Variants in DYNC1I1 observed in about 807,000 individuals in gnomAD.
The protein encoded by DYNC1I1 is dynein cytoplasmic 1 intermediate chain 1, also known as cytoplasmic dynein 1 intermediate chain 1.
Under a neutral mutation model 86.6 loss-of-function variants are expected in DYNC1I1, and 43 were observed. The ratio of observed to expected loss-of-function variants is 0.50; its 90% CI spans 0.39 to 0.64. DYNC1I1 has a LOEUF of 0.64. Ranked by LOEUF, DYNC1I1 falls within the 30% of genes least tolerant of loss-of-function variation. The probability of loss-of-function intolerance (pLI) is 0.00; values close to 1 mark genes in which losing one functional copy is unlikely to be tolerated. For missense variants in DYNC1I1, 604 were observed against 788.8 expected (o/e 0.77, Z 2.81); for synonymous variants, 262 against 283.7 (o/e 0.92, Z 0.77).
intron 7 of DYNC1I1, among the ~76,000 whole-genome samples, chr7:95,980,046 A>AC (rs1793413862): frequency 6.6e-6 from 1 of 152,062 alleles, no homozygotes; most frequent in Non-Finnish European, 1.5e-5. Context: ...CATCACCACC[A>AC]CCCCAGCCCC....
chr7:96,108,815 C>T (rs755189436), intron 16 of DYNC1I1, among the ~76,000 whole-genome samples: 7 of 149,434 alleles, frequency 4.7e-5, no homozygotes, highest in South Asian at 2.1e-4. Context: ...GAGCCAAGAT[C>T]GCACCACTGC....
At chr7:95,964,941 C>A (rs1027322124) in intron 6 of DYNC1I1, among the ~76,000 whole-genome samples, 2 of 152,202 alleles carry the variant, frequency 1.3e-5, no homozygotes, top group Non-Finnish European at 2.9e-5. Context: ...AATAAATGTC[C>A]AAGAAGTTAG....
At chr7:95,971,641 A>G (rs560575182) in intron 6 of DYNC1I1, among the ~76,000 whole-genome samples, 7 of 152,264 alleles carry the variant, frequency 4.6e-5, no homozygotes, top group Admixed American at 1.3e-4. Flanking sequence ...TATTCATTTC[A>G]TAAGCCACAA....
At chr7:95,782,166 C>G (rs1440763397) in intron 1 of DYNC1I1, among the ~76,000 whole-genome samples, 8 of 152,156 alleles carry the variant, frequency 5.3e-5, no homozygotes, top group Non-Finnish European at 2.9e-5. Flanking sequence ...CATATGACAC[C>G]TCTACTCATG....
chr7:95,804,465 CT>C, intron 1 of DYNC1I1: 1 of 999,300 alleles, frequency 1.0e-6, no homozygotes, highest in Non-Finnish European at 1.4e-6. Flanking sequence ...GCGATTCTTG[CT>C]TAGGCCACAT....
At chr7:95,883,889 TAAAA>T (rs148023654) in intron 6 of DYNC1I1, among the ~76,000 whole-genome samples, 5,446 of 152,288 alleles carry the variant, frequency 0.036, 203 homozygotes, top group East Asian at 0.11. Flanking sequence ...AGCATCAGTT[TAAAA>T]CAAAGTCTTG....
At chr7:95,830,109 A>G (rs1350199747) in intron 5 of DYNC1I1, among the ~76,000 whole-genome samples, 1 of 152,036 alleles carries the variant, frequency 6.6e-6, no homozygotes, top group Non-Finnish European at 1.5e-5. Flanking sequence ...AAATTTCTAG[A>G]TTTTTCTAGA....
At chr7:95,894,811 G>T (rs1445466380) in intron 6 of DYNC1I1, among the ~76,000 whole-genome samples, 1 of 152,200 alleles carries the variant, frequency 6.6e-6, no homozygotes, top group Non-Finnish European at 1.5e-5. Flanking sequence ...GTAAAAAGTT[G>T]TCGAGATGCT....
chr7:95,811,217 A>G (rs1225149019), intron 3 of DYNC1I1, among the ~76,000 whole-genome samples: 1 of 152,120 alleles, frequency 6.6e-6, no homozygotes. Context: ...TTACCTATGT[A>G]TCTCTCATGT....
At chr7:95,849,312 G>A (rs778430382) in intron 5 of DYNC1I1, among the ~76,000 whole-genome samples, 2 of 152,044 alleles carry the variant, frequency 1.3e-5, no homozygotes, top group Non-Finnish European at 2.9e-5. Flanking sequence ...ACAATGTCAC[G>A]GAGCTTTCTT....
intron 6 of DYNC1I1, among the ~76,000 whole-genome samples, chr7:95,892,215 C>T (rs1260417349): frequency 2.6e-5 from 4 of 152,018 alleles, no homozygotes; most frequent in Non-Finnish European, 5.9e-5. Context: ...CAGCCCACTG[C>T]AACCTCCACC....
At chr7:95,862,278 T>C (rs758021581) in intron 5 of DYNC1I1, among the ~76,000 whole-genome samples, 11 of 151,932 alleles carry the variant, frequency 7.2e-5, no homozygotes, top group Non-Finnish European at 1.5e-4. Context: ...ACAGAATGGA[T>C]GAAAATATTT....
At chr7:95,886,808 C>A (rs993310024) in intron 6 of DYNC1I1, among the ~76,000 whole-genome samples, 1 of 152,168 alleles carries the variant, frequency 6.6e-6, no homozygotes, top group Non-Finnish European at 1.5e-5. Flanking sequence ...ATGAAAGGAG[C>A]AGCAGTGATC....
At chr7:95,823,470 G>C (rs1795126490) in intron 4 of DYNC1I1, among the ~76,000 whole-genome samples, 2 of 152,174 alleles carry the variant, frequency 1.3e-5, no homozygotes, top group Admixed American at 6.5e-5. Flanking sequence ...CAGTCTCTGA[G>C]CAAGTGATGA....
intron 6 of DYNC1I1, among the ~76,000 whole-genome samples, chr7:95,899,366 C>G (rs558695866): frequency 1.3e-5 from 2 of 152,248 alleles, no homozygotes; most frequent in South Asian, 4.2e-4. Context: ...AAACTGGTGC[C>G]GGGATGCCTC....
At chr7:95,903,379 T>C (rs1299406325) in intron 6 of DYNC1I1, among the ~76,000 whole-genome samples, 2 of 152,194 alleles carry the variant, frequency 1.3e-5, no homozygotes, top group East Asian at 3.8e-4. Flanking sequence ...TTGTATTTTC[T>C]GAAGCATCCT....
chr7:95,788,113 T>C (rs1794197202), intron 1 of DYNC1I1, among the ~76,000 whole-genome samples: 1 of 151,928 alleles, frequency 6.6e-6, no homozygotes, highest in Admixed American at 6.6e-5. Context: ...ATGGGAGCCA[T>C]TGGAGAACTT....
At chr7:96,009,866 G>A (rs1794231531) in intron 10 of DYNC1I1, among the ~76,000 whole-genome samples, 1 of 151,188 alleles carries the variant, frequency 6.6e-6, no homozygotes, top group Non-Finnish European at 1.5e-5. Flanking sequence ...CACAACCTCC[G>A]CCTCTCGGGT....
intron 14 of DYNC1I1, among the ~76,000 whole-genome samples, chr7:96,044,683 C>T (rs1361719939): frequency 1.3e-5 from 2 of 151,958 alleles, no homozygotes; most frequent in Non-Finnish European, 2.9e-5. Flanking sequence ...ATGTGTGTGT[C>T]CGTGTGTAGA....
Sources: allele counts gnomAD v4.1 joint callset (sites outside exome capture counted in the v4.1 genomes callset), GRCh38; gene constraint gnomAD v4.1.1; transcripts MANE v1.5; gene names NCBI Gene and HGNC (gene_info 2026-07-23, HGNC 2026-07-21).